Variants in ADAM22 observed in about 807,000 individuals in gnomAD.
ADAM22 encodes the protein ADAM metallopeptidase domain 22.
In ADAM22, 65 loss-of-function variants were observed where a neutral mutation model predicts 144.6. The observed-to-expected ratio is 0.45, with a 90% confidence interval of 0.37 to 0.55. ADAM22 has a LOEUF of 0.55. ADAM22 is among the 20% of genes least tolerant of loss of function. ADAM22 has a pLI of 0.00. For missense variants in ADAM22, 974 were observed against 1,184.9 expected, an observed-to-expected ratio of 0.82 and a Z score of 2.61; for synonymous variants, 391 against 412.6, an observed-to-expected ratio of 0.95 and a Z score of 0.63.
chr7:88,196,080 T>C (rs189709878), intron 31 of ADAM22, among the ~76,000 whole-genome samples: 4 of 152,344 alleles, frequency 2.6e-5, no homozygotes. Flanking sequence ...AATGTGCAGC[T>C]GAGGTTGAGA....
At chr7:87,967,019 C>A (rs543559270) in intron 2 of ADAM22, among the ~76,000 whole-genome samples, 119 of 152,024 alleles carry the variant, frequency 7.8e-4, no homozygotes, top group African/African-American at 2.8e-3. Flanking sequence ...TGAGTTCTCA[C>A]GAGATCTGAT....
Position 87,990,543 on chromosome 7 carries a change from C to A in ADAM22, c.323+12131C>A, listed in dbSNP as rs369717491. 2.7e-3 allele frequency among the ~76,000 whole-genome samples: 412 copies of A among 152,286 alleles called. 3 individuals are homozygous for A. The highest frequency in any genetic ancestry group is 9.6e-3 in the African/African-American group (397 of 41,570). ...CCCACAATCCTCCAATGTACACTTT[C>A]CCTCCCCACTATTGGAAACAATCAC... On this transcript the variant is annotated intron_variant, in intron 3 of 31. Transcript: ENST00000413139.
At chr7:88,147,461 C>T (rs544867828) in intron 17 of ADAM22, among the ~76,000 whole-genome samples, 1 of 152,296 alleles carries the variant, frequency 6.6e-6, no homozygotes, top group East Asian at 1.9e-4. Context: ...TCTGTTGCAG[C>T]TCAGCTCTGC....
At chr7:88,068,239 G>A (rs567356301) in intron 3 of ADAM22, among the ~76,000 whole-genome samples, 1 of 152,110 alleles carries the variant, frequency 6.6e-6, no homozygotes, top group South Asian at 2.1e-4. Context: ...AGAATGGAGA[G>A]AATGGGAAGA....
Position 88,197,158 on chromosome 7 carries a change from G to A in ADAM22, c.*667G>A, listed in dbSNP as rs1850771212. 1 of 152,184 alleles carries A rather than the reference G, an allele frequency of 6.6e-6. No individual in the cohort carries two copies. Among genetic ancestry groups the A allele is most frequent in the South Asian group, 2.1e-4 (1 of 4,832 alleles). 9.4% of individuals were successfully genotyped at this position (152,184 alleles called of 1,614,324 possible). ...AAAAAAATGCAGCTGTTACACACAA[G>A]TGTATTTTGCCAAATGCCTAAAAAT... is the stretch of plus-strand genomic sequence containing the variant. On this transcript the variant is annotated 3_prime_UTR_variant, in exon 32 of 32. Transcript: ENST00000413139.
chr7:88,131,426 A>C lies in ADAM22; in HGVS notation c.983A>C (p.His328Pro), dbSNP rs760213031. 6.2e-7 allele frequency: 1 copy of C among 1,613,542 alleles called. No individual in the cohort carries two copies. Among genetic ancestry groups the C allele is most frequent in the Non-Finnish European group, 8.5e-7 (1 of 1,179,624 alleles). Residue 328 changes from histidine (H) to proline (P), a missense_variant, in exon 11 of 32, where the codon CAC becomes CCC. Physicochemically the swap from His to Pro is moderately conservative, Grantham distance 77. Around this residue, in one of 2 missense-constraint regions of ADAM22, gnomAD observed 734 missense variants for 950.6 expected, o/e 0.77. Transcript: ENST00000413139. The stretch of plus-strand genomic sequence containing the variant: ...ATCAAAGAGAAAAGTGATGCAGTTC[A>C]CCTTTTTTCGTACGTAACTTCTGTA... The part of the protein sequence containing the change: ...DFIKEKSDAV[H>P]LFSGSQFESS...
At chr7:88,049,058 A>G (rs900975650) in intron 3 of ADAM22, among the ~76,000 whole-genome samples, 1 of 152,224 alleles carries the variant, frequency 6.6e-6, no homozygotes, top group Non-Finnish European at 1.5e-5. Context: ...ATAATTGATC[A>G]TTTAACCCAC....
At chr7:88,181,337 G>A (rs1172025208) in intron 27 of ADAM22, 168 bp from the exon 28 acceptor site, 1 of 602,742 alleles carries the variant, frequency 1.7e-6, no homozygotes, top group Non-Finnish European at 2.9e-6. Context: ...GTGTAATTCT[G>A]CCTTCTTCAT....
chr7:88,124,712 A>G (rs893589130), intron 7 of ADAM22, among the ~76,000 whole-genome samples: 4 of 151,984 alleles, frequency 2.6e-5, no homozygotes, highest in Admixed American at 6.6e-5. Flanking sequence ...TGCCCAGGCC[A>G]TAGCATTCTG....
At chr7:88,158,544 C>T (rs1221803495) in intron 22 of ADAM22, among the ~76,000 whole-genome samples, 1 of 151,994 alleles carries the variant, frequency 6.6e-6, no homozygotes, top group Non-Finnish European at 1.5e-5. Flanking sequence ...GCACTAAAAT[C>T]ATACCAAACC....
At chr7:88,051,302 A>T (rs940210881) in intron 3 of ADAM22, among the ~76,000 whole-genome samples, 4 of 152,224 alleles carry the variant, frequency 2.6e-5, no homozygotes, top group African/African-American at 9.7e-5. Context: ...GAACCAACCT[A>T]AATGTCCATC....
At chr7:87,967,869 G>A (rs576045576) in intron 2 of ADAM22, among the ~76,000 whole-genome samples, 1 of 149,698 alleles carries the variant, frequency 6.7e-6, no homozygotes, top group Admixed American at 6.6e-5. Flanking sequence ...GTGTGCCAAG[G>A]TGCTTACAGA....
chr7:87,944,845 A>G (rs1316630106), intron 2 of ADAM22, among the ~76,000 whole-genome samples: 1 of 73,328 alleles, frequency 1.4e-5, no homozygotes, highest in South Asian at 4.1e-4. Context: ...TTTTTTTTTT[A>G]GTCAGTCTTG....
intron 3 of ADAM22, among the ~76,000 whole-genome samples, chr7:87,987,328 G>A (rs1631368): frequency 0.52 from 78,881 of 151,844 alleles, 20,794 homozygotes; most frequent in Non-Finnish European, 0.53. Context: ...ACAGGTGTGT[G>A]CCACCATGCC....
intron 23 of ADAM22, 63 bp downstream of exon 23, chr7:88,163,243 A>G (rs1043759329): frequency 6.0e-6 from 8 of 1,341,754 alleles, no homozygotes; most frequent in Middle Eastern, 2.3e-4. Context: ...ACAGGACCCT[A>G]AACTATTTAT....
rs1846386998 is a variant in ADAM22, at chr7:88,179,206, GC to G, written c.2495+79del. On this transcript the variant is annotated intron_variant, in intron 27 of 31. Coordinates refer to ENST00000413139, the MANE Select transcript of ADAM22 (RefSeq NM_001324418.2). ...TTCTTTGATTACTCTACTTCAAAAT[GC>G]CATATGCTCAGAACCACTCATTATA... 3 of 612,214 alleles carry G rather than the reference GC, an allele frequency of 4.9e-6. No individual in the cohort carries two copies. In the South Asian group the frequency reaches 5.7e-5, roughly 12 times the overall value. The allele number at this position is 612,214 out of a possible 1,614,324, so 37.9% of individuals were successfully genotyped here.
At chr7:87,987,444 G>T (rs1326793623) in intron 3 of ADAM22, among the ~76,000 whole-genome samples, 2 of 152,118 alleles carry the variant, frequency 1.3e-5, no homozygotes, top group Non-Finnish European at 2.9e-5. Flanking sequence ...CTCCCAAAGT[G>T]CTGGGATTAC....
At chr7:88,055,667 C>G (rs549267083) in intron 3 of ADAM22, among the ~76,000 whole-genome samples, 1 of 152,152 alleles carries the variant, frequency 6.6e-6, no homozygotes, top group Non-Finnish European at 1.5e-5. Context: ...GAAGATAACT[C>G]GGTCCTTCTC....
intron 14 of ADAM22, among the ~76,000 whole-genome samples, chr7:88,140,357 T>C (rs1413638754): frequency 7.9e-5 from 12 of 152,112 alleles, no homozygotes; most frequent in Non-Finnish European, 1.8e-4. Context: ...CATCTGAGCA[T>C]GGTCAGGCTA....
Sources: gnomAD v4.1 joint callset for allele counts (sites outside exome capture counted in the v4.1 genomes callset) on GRCh38, gnomAD v4.1.1 for gene constraint, gnomAD v4.1.1 regional missense constraint, MANE v1.5 for transcripts, NCBI Gene and HGNC (gene_info 2026-07-23, HGNC 2026-07-21) for gene names.